NRXN3: variants seen among roughly 807,000 people sequenced by gnomAD.
NRXN3 encodes neurexin 3.
In NRXN3, 32 loss-of-function variants were observed where a neutral mutation model predicts 137.6. The ratio of observed to expected loss-of-function variants is 0.23; its 90% confidence interval spans 0.18 to 0.31. The LOEUF is 0.31. Among genes scored for constraint, NRXN3 ranks in the 10% least tolerant of loss-of-function variants. NRXN3 has a pLI of 1.00. For synonymous variants in NRXN3, 798 were observed against 784.5 expected (o/e 1.02, Z -0.29); for missense variants, 1,574 against 2,062.5 (o/e 0.76, Z 4.59).
intron 15 of NRXN3, among the ~76,000 whole-genome samples, chr14:79,460,826 G>A (rs1417859279): frequency 6.6e-6 from 1 of 152,138 alleles, no homozygotes; most frequent in Non-Finnish European, 1.5e-5. Flanking sequence ...TCAGCTTACT[G>A]AGCAGCAAAT....
At chr14:79,579,147 G>T (rs990894584) in intron 16 of NRXN3, among the ~76,000 whole-genome samples, 20 of 151,544 alleles carry the variant, frequency 1.3e-4, no homozygotes, top group African/African-American at 4.8e-4. Flanking sequence ...ATATAACACA[G>T]ACTTCTTTTT....
At chr14:78,351,503 A>C (rs1214083965) in intron 4 of NRXN3, among the ~76,000 whole-genome samples, 1 of 152,174 alleles carries the variant, frequency 6.6e-6, no homozygotes, top group East Asian at 1.9e-4. Context: ...TATGGGCCTT[A>C]TAAATTTAGC....
chr14:79,306,438 G>T (rs2086080011), intron 15 of NRXN3, among the ~76,000 whole-genome samples: 2 of 152,024 alleles, frequency 1.3e-5, no homozygotes. Flanking sequence ...TTTAAATATG[G>T]TTTTTCTCTT....
intron 6 of NRXN3, among the ~76,000 whole-genome samples, chr14:78,706,371 T>A (rs2098349443): frequency 6.6e-6 from 1 of 152,248 alleles, no homozygotes; most frequent in Non-Finnish European, 1.5e-5. Context: ...TATTTCCCTT[T>A]GCACATGGTC....
At chr14:78,945,810 C>T (rs970383345) in intron 10 of NRXN3, among the ~76,000 whole-genome samples, 1 of 152,230 alleles carries the variant, frequency 6.6e-6, no homozygotes, top group Non-Finnish European at 1.5e-5. Flanking sequence ...CTTCTTCATG[C>T]CTCTTCATTT....
chr14:78,840,385 G>C (rs2099008913), intron 10 of NRXN3, among the ~76,000 whole-genome samples: 1 of 152,178 alleles, frequency 6.6e-6, no homozygotes, highest in East Asian at 1.9e-4. Flanking sequence ...AGAATGAAAA[G>C]AGATTGGATC....
At chr14:79,373,249 G>A (rs542492004) in intron 15 of NRXN3, among the ~76,000 whole-genome samples, 30 of 152,056 alleles carry the variant, frequency 2.0e-4, no homozygotes, top group Admixed American at 1.2e-3. Context: ...CCAGTGAAGT[G>A]TATATTATTG....
At chr14:78,677,616 T>A (rs996121394) in intron 6 of NRXN3, among the ~76,000 whole-genome samples, 2 of 152,152 alleles carry the variant, frequency 1.3e-5, no homozygotes, top group African/African-American at 4.8e-5. Flanking sequence ...CTTAGAATAT[T>A]ACATAACTTA....
intron 4 of NRXN3, among the ~76,000 whole-genome samples, chr14:78,452,637 T>C (rs1257557572): frequency 6.6e-6 from 1 of 152,208 alleles, no homozygotes; most frequent in Non-Finnish European, 1.5e-5. Flanking sequence ...TGAGAACAAT[T>C]GAAAAGGTGA....
chr14:78,872,135 A>C (rs1224059372), intron 10 of NRXN3, among the ~76,000 whole-genome samples: 1 of 151,640 alleles, frequency 6.6e-6, no homozygotes, highest in Non-Finnish European at 1.5e-5. Flanking sequence ...TGATGTCTTT[A>C]CATTCAATAC....
chr14:78,912,952 C>T (rs1243299644), intron 10 of NRXN3, among the ~76,000 whole-genome samples: 2 of 152,080 alleles, frequency 1.3e-5, no homozygotes, highest in African/African-American at 2.4e-5. Context: ...CTTGTTCCTT[C>T]GTTTATTCCT....
At chr14:78,244,640 A>C (rs145688198) in intron 2 of NRXN3, among the ~76,000 whole-genome samples, 1 of 152,142 alleles carries the variant, frequency 6.6e-6, no homozygotes, top group African/African-American at 2.4e-5. Flanking sequence ...GGAGGTGTCT[A>C]GAAGGTGGAT....
chr14:78,527,565 C>T (rs891806904), intron 4 of NRXN3, among the ~76,000 whole-genome samples: 2 of 152,186 alleles, frequency 1.3e-5, no homozygotes, highest in Non-Finnish European at 2.9e-5. Context: ...CAAACCATGT[C>T]AGCCTTCTTT....
rs550135974 is a variant in NRXN3 at position 78,529,767 on chromosome 14, G to T, written c.758-115353G>T. The stretch of plus-strand genomic sequence containing the variant: ...AGTTACTGTACAGTATCCCCACTGT[G>T]GCATTTTCTGACTCCCATGCTGGGC... On this transcript the variant is annotated intron_variant, in intron 4 of 20. Coordinates refer to ENST00000335750, the MANE Select transcript of NRXN3 (RefSeq NM_001330195.2). Among the ~76,000 whole-genome samples the T allele has an allele frequency of 2.6e-5, 4 of 152,232 alleles. No individual in the cohort carries two copies. In the South Asian group the frequency reaches 8.3e-4, roughly 32 times the overall value.
intron 10 of NRXN3, among the ~76,000 whole-genome samples, chr14:78,933,345 T>C (rs2099327392): frequency 6.6e-6 from 1 of 152,240 alleles, no homozygotes. Context: ...CAAGATAACA[T>C]AGCAATTTGG....
At chr14:78,939,869 A>T (rs994939448) in intron 10 of NRXN3, among the ~76,000 whole-genome samples, 1 of 152,232 alleles carries the variant, frequency 6.6e-6, no homozygotes, top group East Asian at 1.9e-4. Context: ...TATGTCTCAC[A>T]GCTCTCAGAG....
Position 79,232,369 on chromosome 14 carries a change from G to A in NRXN3, c.3263-234852G>A, listed in dbSNP as rs528276250. On this transcript the variant is annotated intron_variant, in intron 15 of 20. Coordinates refer to ENST00000335750, the MANE Select transcript of NRXN3 (RefSeq NM_001330195.2). ...GTCAGTTTTTAAGGCACAAAATGTA[G>A]GATGAGTGAGTTGATAGGTAGATAT... Among the ~76,000 whole-genome samples the A allele has an allele frequency of 2.6e-5, 4 of 152,220 alleles. No individual in the cohort carries two copies. The East Asian group carries it at 7.7e-4, about 29-fold the overall frequency.
At chr14:78,260,483 T>C (rs115131973) in intron 2 of NRXN3, among the ~76,000 whole-genome samples, 3,363 of 152,294 alleles carry the variant, frequency 0.022, 51 homozygotes, top group African/African-American at 0.041. Context: ...TGATGATGCA[T>C]TTTAATTTCA....
intron 15 of NRXN3, among the ~76,000 whole-genome samples, chr14:79,097,423 T>C (rs2050550182): frequency 6.6e-6 from 1 of 152,154 alleles, no homozygotes; most frequent in Non-Finnish European, 1.5e-5. Flanking sequence ...GCCAACCTAG[T>C]ATCCTGCTGT....
Sources: allele counts gnomAD v4.1 joint callset (sites outside exome capture counted in the v4.1 genomes callset), GRCh38; gene constraint gnomAD v4.1.1; transcripts MANE v1.5; gene names NCBI Gene and HGNC (gene_info 2026-07-23, HGNC 2026-07-21).